Variants in PCNT observed in about 807,000 individuals in gnomAD.
The protein encoded by PCNT is kendrin.
A neutral mutation model predicts 380.4 loss-of-function variants in PCNT; 319 were observed. The ratio of observed to expected loss-of-function variants is 0.84; its 90% CI spans 0.77 to 0.92. PCNT has a LOEUF of 0.92. PCNT is among the 40% of genes least tolerant of loss of function. The pLI is 0.00. For missense variants in PCNT, 4,400 were observed against 4,255.3 expected (o/e 1.03, Z -0.95); for synonymous variants, 1,845 against 1,735.2 (o/e 1.06, Z -1.57).
At chr21:46,372,311 A>G (rs896375354) in intron 15 of PCNT, among the ~76,000 whole-genome samples, 3 of 151,970 alleles carry the variant, frequency 2.0e-5, no homozygotes, top group Non-Finnish European at 2.9e-5. Flanking sequence ...AGATGTGCAC[A>G]CAGCACGCAC....
chr21:46,415,998 T>C, intron 29 of PCNT, 71 bp from the exon 30 acceptor site: 2 of 1,511,180 alleles, frequency 1.3e-6, no homozygotes, highest in Non-Finnish European at 1.8e-6. Flanking sequence ...AATCCACTCA[T>C]TAACACCAGA....
chr21:46,437,940 A>G (rs571460736), intron 40 of PCNT, among the ~76,000 whole-genome samples: 2 of 152,364 alleles, frequency 1.3e-5, no homozygotes, highest in Admixed American at 1.3e-4. Context: ...AGAACAACCA[A>G]ACGGGCTATG....
At chr21:46,401,464 A>T in intron 25 of PCNT, 87 bp from the exon 26 acceptor site, 1 of 1,079,864 alleles carries the variant, frequency 9.3e-7, no homozygotes, top group Non-Finnish European at 1.4e-6. Context: ...AGGTGCAGCT[A>T]AAGATGGTCT....
intron 28 of PCNT, 31 bp downstream of exon 28, chr21:46,412,098 A>ATT (rs71318074): frequency 8.6e-5 from 136 of 1,579,136 alleles, no homozygotes; most frequent in South Asian, 1.9e-4. Context: ...ATGGCAGGGT[A>ATT]TTTTTTTTTA....
Position 46,397,338 on chromosome 21 carries a change from A to C in PCNT, c.4290A>C (p.Ser1430=). ...GGAAGCAGGCTGAGAAGGACCGCTC[A>C]GCCCTGCTCTCCCAGATGAAGATTT... ...ETRKQAEKDR[S]ALLSQMKILE... The change falls in exon 22 of 47, where the codon TCA becomes TCC. Residue 1430 remains serine (S), a synonymous_variant. Coordinates refer to ENST00000359568, the MANE Select transcript of PCNT (RefSeq NM_006031.6). The C allele has an allele frequency of 6.2e-7, 1 of 1,614,158 alleles. No homozygotes were observed.
intron 8 of PCNT, among the ~76,000 whole-genome samples, chr21:46,350,371 A>T (rs878944433): frequency 3.3e-5 from 5 of 152,138 alleles, no homozygotes; most frequent in Admixed American, 6.6e-5. Context: ...GTAAGGCCAC[A>T]TCCTCTAACC....
Position 46,411,375 on chromosome 21 carries a change from G to T in PCNT, c.5302G>T (p.Ala1768Ser). 6.2e-7 allele frequency: 1 copy of T among 1,613,994 alleles called. No individual in the cohort carries two copies. The highest frequency in any genetic ancestry group is 1.1e-5 in the South Asian group (1 of 91,090). ...GGTGCACGAAGTCAGCGACAGTCAG[G>T]CTGGCAGTCTGCAGAGCGAGCTGCT... ...PVVHEVSDSQ[A>S]GSLQSELLCS... is the part of the protein sequence containing the mutation. The change falls in exon 28 of 47, where the codon GCT (alanine) becomes TCT (serine). Residue 1768 changes from alanine to serine, a missense_variant. Ala to Ser is a moderately conservative substitution (Grantham distance 99, BLOSUM62 1). Transcript: ENST00000359568.
At chr21:46,387,876 G>A (rs1325318284) in intron 17 of PCNT, among the ~76,000 whole-genome samples, 1 of 152,116 alleles carries the variant, frequency 6.6e-6, no homozygotes, top group African/African-American at 2.4e-5. Flanking sequence ...GGAGCGAGAT[G>A]TGGAGGGGCC....
intron 7 of PCNT, 52 bp from the exon 8 acceptor site, chr21:46,349,632 G>A (rs1379498614): frequency 1.3e-6 from 2 of 1,593,476 alleles, no homozygotes; most frequent in Non-Finnish European, 1.7e-6. Context: ...TGAGGTCGCT[G>A]TTGAGGAGAG....
Position 46,443,831 on chromosome 21 carries a change from A to G in PCNT, c.9722A>G (p.Gln3241Arg). ...GAAGGGCCCCGAGCACGACAGCCGC[A>G]GTCTCCACCCAGAACCAGAGAGTCC... ...PRPGPRARQPQSPPRTRESPP... is the reference protein window; with the variant it reads ...PRPGPRARQPRSPPRTRESPP... Residue 3241 changes from glutamine to arginine, a missense_variant, in exon 45 of 47, where the codon CAG (glutamine) becomes CGG (arginine). Coordinates refer to ENST00000359568, the MANE Select transcript of PCNT (RefSeq NM_006031.6). 6.2e-7 allele frequency: 1 copy of G among 1,613,626 alleles called. No homozygotes were observed. Among genetic ancestry groups the G allele is most frequent in the Admixed American group, 1.7e-5 (1 of 60,018 alleles).
At chr21:46,372,807 C>T (rs1206865617) in intron 15 of PCNT, among the ~76,000 whole-genome samples, 1 of 152,176 alleles carries the variant, frequency 6.6e-6, no homozygotes. Context: ...ACTGGCCCCT[C>T]AGTCCTGAGG....
At chr21:46,328,757 G>A (rs1159643284) in intron 2 of PCNT, among the ~76,000 whole-genome samples, 3 of 150,758 alleles carry the variant, frequency 2.0e-5, no homozygotes, top group African/African-American at 4.9e-5. Context: ...CACTGCACCC[G>A]GCCCTCTGGT....
chr21:46,340,706 G>T (rs1400909702), intron 3 of PCNT, among the ~76,000 whole-genome samples: 3 of 152,134 alleles, frequency 2.0e-5, no homozygotes, highest in Non-Finnish European at 4.4e-5. Context: ...GTCTTTCTCT[G>T]TTGCCCAGAC....
chr21:46,330,127 CT>C (rs901625348), intron 2 of PCNT, among the ~76,000 whole-genome samples: 66 of 151,906 alleles, frequency 4.3e-4, no homozygotes, highest in African/African-American at 1.5e-3. Context: ...CTTTTTCCCC[CT>C]TTTTTTTGAG....
In PCNT at chr21:46,363,764, C is replaced by T. The variant is rs144810300; in HGVS notation, c.2439C>T (p.Ser813=). 72 of 1,614,126 alleles carry T rather than the reference C, an allele frequency of 4.5e-5. No homozygotes were observed. The African/African-American group carries it at 6.9e-4, about 16-fold the overall frequency. ...CCCAGATCCTGGATCTGGAGAGGTC[C>T]TTGACGGAGCAGCAGGGCCGCCTGC... ...QAAQILDLER[S]LTEQQGRLQQ... is the part of the protein sequence containing the mutation. The change falls in exon 14 of 47, where the codon TCC becomes TCT. Residue 813 remains serine, a synonymous_variant. Transcript: ENST00000359568.
chr21:46,433,790 G>T (rs1156612034), intron 38 of PCNT, among the ~76,000 whole-genome samples: 1 of 150,616 alleles, frequency 6.6e-6, no homozygotes, highest in African/African-American at 2.4e-5. Flanking sequence ...TTTTTTTTTT[G>T]AGGTAGAGTC....
In PCNT at chr21:46,388,645, A is replaced by C; in HGVS notation, c.3465-97A>C. The stretch of plus-strand genomic sequence containing the variant: ...CGTGGGGACAGGCAGCCGTGGGCCG[A>C]GGTGTGCAAACTGGTGGGCGGCCCC... On this transcript the variant is annotated intron_variant, in intron 17 of 46. Transcript: ENST00000359568. This position sits in a 1 kb window ranked among gnomAD's most constrained non-coding sequence, Gnocchi z 4.2. The C allele has an allele frequency of 2.7e-6, 4 of 1,477,448 alleles. No individual in the cohort carries two copies. Among genetic ancestry groups the C allele is most frequent in the Non-Finnish European group, 3.7e-6 (4 of 1,067,946 alleles). The allele number at this position is 1,477,448 out of a possible 1,614,324, so 91.5% of individuals were successfully genotyped here. A position where few individuals can be genotyped will look rare whatever the true frequency, so the allele number is the denominator to read the frequency against.
In PCNT at chr21:46,389,419, C is replaced by T. The variant is rs778608097; in HGVS notation, c.3828C>T (p.Asp1276=). The T allele has an allele frequency of 1.2e-5, 19 of 1,613,702 alleles. No homozygotes were observed. The highest frequency in any genetic ancestry group is 1.6e-5 in the Non-Finnish European group (19 of 1,179,598). The change falls in exon 19 of 47, where the codon GAC becomes GAT. Residue 1276 remains aspartate, a synonymous_variant. Transcript: ENST00000359568. ...AVDGLMEMAL[D]SSRQLEEARQ... is the part of the protein sequence containing the mutation. The stretch of plus-strand genomic sequence containing the variant: ...ACGGCCTCATGGAGATGGCCCTGGA[C>T]TCCAGCAGGCAGGTGAGGCCCAGGC...
chr21:46,394,924 G>A (rs929794012), intron 21 of PCNT, among the ~76,000 whole-genome samples: 3 of 152,330 alleles, frequency 2.0e-5, no homozygotes, highest in South Asian at 2.1e-4. Flanking sequence ...TGCGATCCTC[G>A]TGTGCCTCCC....
Sources: allele counts gnomAD v4.1 joint callset (sites outside exome capture counted in the v4.1 genomes callset), GRCh38; gene constraint gnomAD v4.1.1; non-coding constraint Gnocchi (gnomAD v3.1); transcripts MANE v1.5; gene names NCBI Gene and HGNC (gene_info 2026-07-23, HGNC 2026-07-21).